Variants in COL24A1 observed in about 807,000 individuals in gnomAD.
COL24A1 encodes collagen alpha-1(XXIV) chain.
Under a neutral mutation model 253.9 loss-of-function variants are expected in COL24A1, and 224 were observed. The observed-to-expected ratio is 0.88, with a 90% CI of 0.79 to 0.99. The LOEUF is 0.99. Among genes scored for constraint, COL24A1 ranks in the 50% least tolerant of loss-of-function variants. COL24A1 has a pLI of 0.00. For synonymous variants in COL24A1, 685 were observed against 673.7 expected (o/e 1.02, Z -0.26); for missense variants, 2,131 against 2,068.5 (o/e 1.03, Z -0.59).
At chr1:85,943,163 T>C (rs1112328) in intron 24 of COL24A1, among the ~76,000 whole-genome samples, 67,649 of 152,072 alleles carry the variant, frequency 0.44, 16,092 homozygotes, top group East Asian at 0.75. Context: ...TTCCAGGGCA[T>C]GCCAGCTTTT....
rs370063742 is a variant in COL24A1, at chr1:85,854,954, G to A, written c.3301-5548C>T. Among the ~76,000 whole-genome samples, 4 of 151,998 alleles carry A rather than the reference G, an allele frequency of 2.6e-5. No individual in the cohort carries two copies. The East Asian group carries it at 7.7e-4, about 29-fold the overall frequency. On this transcript the variant is annotated intron_variant, in intron 37 of 59. Coordinates refer to ENST00000370571, the MANE Select transcript of COL24A1 (RefSeq NM_152890.7). ...CTTGACAGCGTGTTCCACCTGCCTC[G>A]GCCTCCCAAATATTCCTAGGTATTT...
intron 5 of COL24A1, among the ~76,000 whole-genome samples, chr1:86,106,633 C>T (rs59244529): frequency 0.15 from 22,200 of 151,864 alleles, 1,823 homozygotes; most frequent in East Asian, 0.34. Flanking sequence ...ATTCCCATCG[C>T]GCTGCAAATA....
Position 86,054,446 on chromosome 1 carries a change from T to C in COL24A1, c.1851+3485A>G, listed in dbSNP as rs1700528591. ...TCTACAAGGAACTTAAACAAATCAA[T>C]AAGAAAAAAACAAATAACTTTATTA... is the stretch of plus-strand genomic sequence containing the variant. On this transcript the variant is annotated intron_variant, in intron 10 of 59. Transcript: ENST00000370571. 2.0e-5 allele frequency among the ~76,000 whole-genome samples: 3 copies of C among 151,184 alleles called. 1 individual carries two copies. Among genetic ancestry groups the C allele is most frequent in the South Asian group, 4.2e-4 (2 of 4,792 alleles).
rs1558335139 is a variant in COL24A1, at chr1:85,838,641, A to G, written c.3628-3T>C. ...TCTCCTTGGTCCCCCACTGGACCCTACAGAGACCACACACAAAACAATCAG... is the reference window on the plus strand; with the variant it reads ...TCTCCTTGGTCCCCCACTGGACCCTGCAGAGACCACACACAAAACAATCAG... On this transcript the variant is annotated splice_region_variant and splice_polypyrimidine_tract_variant and intron_variant, in intron 42 of 59. Coordinates refer to ENST00000370571, the MANE Select transcript of COL24A1 (RefSeq NM_152890.7). 6.2e-7 allele frequency: 1 copy of G among 1,613,808 alleles called. No homozygotes were observed. Among genetic ancestry groups the G allele is most frequent in the Non-Finnish European group, 8.5e-7 (1 of 1,179,730 alleles).
At chr1:85,837,841 G>C (rs928301907) in intron 43 of COL24A1, among the ~76,000 whole-genome samples, 2 of 152,106 alleles carry the variant, frequency 1.3e-5, no homozygotes, top group African/African-American at 4.8e-5. Context: ...AAAGGAATAA[G>C]ACAGGAACTA....
At chr1:85,754,604 A>C (rs535687169) in intron 55 of COL24A1, among the ~76,000 whole-genome samples, 70 of 151,556 alleles carry the variant, frequency 4.6e-4, no homozygotes, top group Admixed American at 4.5e-3. Context: ...CTTACTAAGT[A>C]GAGAATATAA....
At chr1:85,804,405 T>A (rs1461712726) in intron 47 of COL24A1, among the ~76,000 whole-genome samples, 3 of 152,266 alleles carry the variant, frequency 2.0e-5, no homozygotes, top group Middle Eastern at 3.4e-3. Context: ...ACTTTAGTCA[T>A]CCAATGGAAA....
intron 47 of COL24A1, among the ~76,000 whole-genome samples, chr1:85,795,878 C>G (rs1670755845): frequency 6.6e-6 from 1 of 152,040 alleles, no homozygotes; most frequent in Non-Finnish European, 1.5e-5. Flanking sequence ...CTGAGCAACT[C>G]AAAACACTTC....
At chr1:86,135,303 A>C (rs890136373) in intron 2 of COL24A1, among the ~76,000 whole-genome samples, 3 of 151,994 alleles carry the variant, frequency 2.0e-5, no homozygotes, top group African/African-American at 7.3e-5. Flanking sequence ...CTCTTTATCC[A>C]ATTTGCCGGT....
At chr1:85,849,263 C>T (rs1677488142) in intron 38 of COL24A1, 90 bp downstream of exon 38, 1 of 823,692 alleles carries the variant, frequency 1.2e-6, no homozygotes, top group Non-Finnish European at 2.0e-6. Flanking sequence ...ACTTTACTAT[C>T]TAGTCCAAAT....
At chr1:85,923,380 A>C (rs1399696038) in intron 24 of COL24A1, among the ~76,000 whole-genome samples, 4 of 152,110 alleles carry the variant, frequency 2.6e-5, no homozygotes, top group Admixed American at 6.5e-5. Flanking sequence ...CTTCTCAGCA[A>C]CACATCACAC....
chr1:85,818,651 T>C (rs929821090), intron 45 of COL24A1, among the ~76,000 whole-genome samples: 4 of 152,256 alleles, frequency 2.6e-5, no homozygotes, highest in African/African-American at 4.8e-5. Context: ...TGAGATGTTT[T>C]AAATCATAAT....
At chr1:85,785,182 T>A (rs1047688384) in intron 48 of COL24A1, among the ~76,000 whole-genome samples, 2 of 152,186 alleles carry the variant, frequency 1.3e-5, no homozygotes, top group African/African-American at 4.8e-5. Context: ...CAATAAAAAA[T>A]TTCCATTATC....
chr1:85,832,242 T>A (rs536964379), intron 43 of COL24A1, among the ~76,000 whole-genome samples: 1 of 152,054 alleles, frequency 6.6e-6, no homozygotes, highest in Non-Finnish European at 1.5e-5. Context: ...GTTGTAGATA[T>A]GTGGCATTAT....
At chr1:85,939,015 A>C (rs1047587607) in intron 24 of COL24A1, among the ~76,000 whole-genome samples, 3 of 151,800 alleles carry the variant, frequency 2.0e-5, no homozygotes, top group Non-Finnish European at 4.4e-5. Context: ...CCTGTAGCGA[A>C]ATGCCATCTC....
chr1:85,990,657 T>A (rs1254668769), intron 19 of COL24A1, among the ~76,000 whole-genome samples: 1 of 152,152 alleles, frequency 6.6e-6, no homozygotes. Flanking sequence ...TTCGAAGGTA[T>A]CAAAAGTAGA....
intron 2 of COL24A1, among the ~76,000 whole-genome samples, chr1:86,140,748 A>C (rs2102383488): frequency 6.6e-6 from 1 of 152,328 alleles, no homozygotes; most frequent in Middle Eastern, 3.4e-3. Context: ...CATCCCACCA[A>C]CACAGACAAA....
chr1:85,873,420 A>C (rs12731603), intron 35 of COL24A1, among the ~76,000 whole-genome samples: 29,486 of 152,156 alleles, frequency 0.19, 3,230 homozygotes, highest in Non-Finnish European at 0.24. Flanking sequence ...TCACTATAGC[A>C]AAGACTTGGA....
intron 53 of COL24A1, among the ~76,000 whole-genome samples, chr1:85,771,602 T>G (rs1266308886): frequency 6.6e-6 from 1 of 152,100 alleles, no homozygotes; most frequent in Non-Finnish European, 1.5e-5. Context: ...TTTATAATCC[T>G]TTGGGTATAT....
Sources: gnomAD v4.1 joint callset for allele counts (sites outside exome capture counted in the v4.1 genomes callset) on GRCh38, gnomAD v4.1.1 for gene constraint, MANE v1.5 for transcripts, NCBI Gene and HGNC (gene_info 2026-07-23, HGNC 2026-07-21) for gene names.